PTPRN2: variants seen among roughly 807,000 people sequenced by gnomAD.
The protein encoded by PTPRN2 is receptor-type tyrosine-protein phosphatase N2.
Under a neutral mutation model 118.8 loss-of-function variants are expected in PTPRN2, and 74 were observed. The ratio of observed to expected loss-of-function variants is 0.62; its 90% CI spans 0.52 to 0.76. The LOEUF is 0.76. PTPRN2 is among the 30% of genes least tolerant of loss of function. The pLI is 0.00. For missense variants in PTPRN2, 1,481 were observed against 1,394.4 expected (o/e 1.06, Z -0.99); for synonymous variants, 641 against 608.0 (o/e 1.05, Z -0.80).
intron 11 of PTPRN2, among the ~76,000 whole-genome samples, chr7:158,036,511 A>T (rs1808099476): frequency 6.6e-6 from 1 of 152,202 alleles, no homozygotes. Context: ...ACACAATGAA[A>T]ATAAGGGAAT....
Position 158,489,727 on chromosome 7 carries a change from A to G in PTPRN2, c.163+8T>C. On this transcript the variant is annotated splice_region_variant and intron_variant, in intron 2 of 22. Coordinates refer to ENST00000389418, the MANE Select transcript of PTPRN2 (RefSeq NM_002847.5). ...ACCAGGGCGCAGCAGCCAGGACCCCACACTCACCGTTCACACAGGCCTCGG... is the reference window on the plus strand; with the variant it reads ...ACCAGGGCGCAGCAGCCAGGACCCCGCACTCACCGTTCACACAGGCCTCGG... 1 of 1,576,916 alleles carries G rather than the reference A, an allele frequency of 6.3e-7. No individual in the cohort carries two copies. Among genetic ancestry groups the G allele is most frequent in the Non-Finnish European group, 8.6e-7 (1 of 1,162,784 alleles).
rs183348132 is a variant in PTPRN2, at chr7:158,367,314, C to T, written c.164-50382G>A. 1.9e-3 allele frequency among the ~76,000 whole-genome samples: 282 copies of T among 152,342 alleles called. 1 individual carries two copies. Among genetic ancestry groups the T allele is most frequent in the Non-Finnish European group, 3.1e-3 (212 of 68,030 alleles). On this transcript the variant is annotated intron_variant, in intron 2 of 22. Transcript: ENST00000389418. The stretch of plus-strand genomic sequence containing the variant: ...ATTCACTCCCCATGTGGCCATGAGC[C>T]CCCGATTCTCCAAGTCCTGTGTTCT...
chr7:158,367,166 G>A (rs1461325225), intron 2 of PTPRN2, among the ~76,000 whole-genome samples: 1 of 152,198 alleles, frequency 6.6e-6, no homozygotes, highest in Non-Finnish European at 1.5e-5. Flanking sequence ...CCAGCCCCCA[G>A]TGCTCGGAAG....
intron 2 of PTPRN2, among the ~76,000 whole-genome samples, chr7:158,477,990 G>C (rs976681135): frequency 6.6e-6 from 1 of 152,232 alleles, no homozygotes; most frequent in African/African-American, 2.4e-5. Flanking sequence ...ACAGAGAAGG[G>C]GAGAGAGCGC....
chr7:158,094,379 G>A (rs546516577), intron 10 of PTPRN2, among the ~76,000 whole-genome samples: 72 of 151,978 alleles, frequency 4.7e-4, no homozygotes, highest in Non-Finnish European at 4.4e-4. Context: ...GCGTGATCTC[G>A]GCTCACTGCA....
chr7:158,530,448 G>C (rs78441810), intron 1 of PTPRN2, among the ~76,000 whole-genome samples: 1 of 152,184 alleles, frequency 6.6e-6, no homozygotes, highest in African/African-American at 2.4e-5. Flanking sequence ...CGGCCTCCCC[G>C]TGTGCCACAG....
At position 157,905,797 on chromosome 7, in the gene PTPRN2, G is replaced by C. The variant is rs373791880; in HGVS notation, c.1724-7060C>G. 8.5e-5 allele frequency among the ~76,000 whole-genome samples: 13 copies of C among 152,324 alleles called. No individual in the cohort carries two copies. The East Asian group carries it at 2.3e-3, about 27-fold the overall frequency. On this transcript the variant is annotated intron_variant, in intron 11 of 22. Coordinates refer to ENST00000389418, the MANE Select transcript of PTPRN2 (RefSeq NM_002847.5). Reference sequence around the variant, plus strand: ...CCATTAGAAGGTGGGAGGGGAGGGAGAGCACCCAGGCCCGGGGTGAAGCTG... The same window carrying C: ...CCATTAGAAGGTGGGAGGGGAGGGACAGCACCCAGGCCCGGGGTGAAGCTG...
chr7:158,160,733 T>C (rs1238003859), intron 6 of PTPRN2, among the ~76,000 whole-genome samples: 1 of 152,174 alleles, frequency 6.6e-6, no homozygotes, highest in African/African-American at 2.4e-5. Context: ...GACATGCTTT[T>C]ATACATCTCC....
intron 11 of PTPRN2, among the ~76,000 whole-genome samples, chr7:157,909,478 TCC>T (rs1797960924): frequency 6.6e-6 from 1 of 152,240 alleles, no homozygotes; most frequent in Non-Finnish European, 1.5e-5. Flanking sequence ...AGGTCTACAG[TCC>T]AGGCCACAGA....
intron 2 of PTPRN2, among the ~76,000 whole-genome samples, chr7:158,450,118 C>T (rs1014883976): frequency 5.9e-5 from 9 of 152,232 alleles, no homozygotes; most frequent in African/African-American, 9.6e-5. Flanking sequence ...CCTCTTCTTA[C>T]GAGAGCACTG....
Position 157,649,686 on chromosome 7 carries a change from T to A in PTPRN2, c.2196+6671A>T, listed in dbSNP as rs201209562. ...TCCAGCGTGCACTGAACTCGGTGGG[T>A]CGGACCCATTCACTGTGCACTGAAC... is the stretch of plus-strand genomic sequence containing the variant. On this transcript the variant is annotated intron_variant, in intron 14 of 22. Transcript: ENST00000389418. Among the ~76,000 whole-genome samples the A allele has an allele frequency of 8.6e-3, 1,103 of 127,664 alleles. 19 individuals carry two copies. The highest frequency in any genetic ancestry group is 0.031 in the South Asian group (99 of 3,226). 83.8% of individuals were successfully genotyped at this position (127,664 alleles called of 152,430 possible).
intron 17 of PTPRN2, among the ~76,000 whole-genome samples, chr7:157,588,676 G>A (rs538479454): frequency 5.3e-5 from 8 of 152,318 alleles, no homozygotes; most frequent in African/African-American, 1.9e-4. Flanking sequence ...CTCTGCACAC[G>A]TGTATTTTTG....
intron 17 of PTPRN2, among the ~76,000 whole-genome samples, chr7:157,586,829 G>T (rs1038716763): frequency 6.6e-6 from 1 of 152,250 alleles, no homozygotes; most frequent in Non-Finnish European, 1.5e-5. Flanking sequence ...CATTAAAACA[G>T]TTGTGAGTAG....
At chr7:157,949,641 G>A (rs988590202) in intron 11 of PTPRN2, among the ~76,000 whole-genome samples, 3 of 152,198 alleles carry the variant, frequency 2.0e-5, no homozygotes, top group Admixed American at 1.3e-4. Context: ...AGCAGTATAC[G>A]AATGGACTAA....
Position 157,665,796 on chromosome 7 carries a change from A to G in PTPRN2, c.2002-9245T>C, listed in dbSNP as rs1305055136. On this transcript the variant is annotated intron_variant, in intron 13 of 22. Coordinates refer to ENST00000389418, the MANE Select transcript of PTPRN2 (RefSeq NM_002847.5). The stretch of plus-strand genomic sequence containing the variant: ...TGGCACATATACACCATGGAATACT[A>G]TGCAGCCATAAAAAAGGATGAGTTC... Among the ~76,000 whole-genome samples the G allele has an allele frequency of 2.6e-5, 4 of 152,228 alleles. 1 individual carries two copies. The highest frequency in any genetic ancestry group is 1.3e-4 in the Admixed American group (2 of 15,288).
rs189572796 is a variant in PTPRN2 at position 157,709,235 on chromosome 7, C to T, written c.1789-26298G>A. Among the ~76,000 whole-genome samples, 28 of 152,328 alleles carry T rather than the reference C, an allele frequency of 1.8e-4. No individual in the cohort carries two copies. The East Asian group carries it at 4.1e-3, about 22-fold the overall frequency. On this transcript the variant is annotated intron_variant, in intron 12 of 22. Coordinates refer to ENST00000389418, the MANE Select transcript of PTPRN2 (RefSeq NM_002847.5). ...CCCATCAGGGGAGATGGAGGCCATACGTGCCACAGATCAATACGATGCCCT... is the reference window on the plus strand; with the variant it reads ...CCCATCAGGGGAGATGGAGGCCATATGTGCCACAGATCAATACGATGCCCT...
At chr7:158,248,541 A>C (rs927611879) in intron 3 of PTPRN2, among the ~76,000 whole-genome samples, 2 of 148,596 alleles carry the variant, frequency 1.3e-5, no homozygotes, top group African/African-American at 5.0e-5. Context: ...CACCCCATGC[A>C]CACATATCAC....
intron 3 of PTPRN2, among the ~76,000 whole-genome samples, chr7:158,296,879 CCCACAGGAAGA>C (rs371672609): frequency 6.6e-6 from 1 of 152,324 alleles, no homozygotes; most frequent in African/African-American, 2.4e-5. Flanking sequence ...GGCCACCTGG[CCCACAGGAAGA>C]CCATGGGAAG....
chr7:158,405,985 C>G (rs958470141), intron 2 of PTPRN2, among the ~76,000 whole-genome samples: 2 of 148,874 alleles, frequency 1.3e-5, no homozygotes, highest in Non-Finnish European at 3.0e-5. Flanking sequence ...CACTGAGATC[C>G]CGCAGTGGCT....
Sources: allele counts gnomAD v4.1 joint callset (sites outside exome capture counted in the v4.1 genomes callset), GRCh38; gene constraint gnomAD v4.1.1; transcripts MANE v1.5; gene names NCBI Gene and HGNC (gene_info 2026-07-23, HGNC 2026-07-21).